Variants in APOB observed in about 807,000 individuals in gnomAD.
The protein encoded by APOB is apolipoprotein B-100.
APOB carries 153 observed loss-of-function variants against 314.1 expected under a neutral mutation model. The observed-to-expected ratio is 0.49, with a 90% CI of 0.43 to 0.56. The LOEUF is 0.56. Among genes scored for constraint, APOB ranks in the 20% least tolerant of loss-of-function variants. The probability of loss-of-function intolerance (pLI) is 0.00; values close to 1 mark genes in which losing one functional copy is unlikely to be tolerated. For missense variants in APOB, 5,430 were observed against 5,350.7 expected, an observed-to-expected ratio of 1.01 and a Z score of -0.46; for synonymous variants, 2,087 against 2,036.4, an observed-to-expected ratio of 1.02 and a Z score of -0.67.
rs13306188 is a variant in APOB, at chr2:21,011,546, G to A, written c.5322C>T (p.Tyr1774=). The change falls in exon 26 of 29, where the codon TAC becomes TAT. Residue 1774 remains tyrosine (Y), a synonymous_variant. Transcript: ENST00000233242. ...TTTGCTTATAAAACTTGTCAGAGCT[G>A]TAAATGTTGTCAAGTTTTGAAGAGA... ...LDFSSKLDNI[Y]SSDKFYKQTV... is the part of the protein sequence containing the mutation. 3.6e-4 allele frequency: 580 copies of A among 1,614,162 alleles called. 6 individuals are homozygous for A. In the East Asian group the frequency reaches 0.013, roughly 36 times the overall value.
At chr2:21,032,918 C>T (rs913334528) in intron 9 of APOB, among the ~76,000 whole-genome samples, 1 of 152,144 alleles carries the variant, frequency 6.6e-6, no homozygotes, top group Non-Finnish European at 1.5e-5. Flanking sequence ...CTTCATAGCA[C>T]TTAAAGCCAG....
Position 21,011,145 on chromosome 2 carries a change from T to G in APOB, c.5723A>C (p.Asp1908Ala). The G allele has an allele frequency of 6.2e-7, 1 of 1,614,180 alleles. No homozygotes were observed. The highest frequency in any genetic ancestry group is 8.5e-7 in the Non-Finnish European group (1 of 1,180,022). The change falls in exon 26 of 29, where the codon GAT becomes GCT. Residue 1908 changes from aspartate (D) to alanine (A), a missense_variant. Asp to Ala is a moderately radical substitution (Grantham distance 126, BLOSUM62 -2). Coordinates refer to ENST00000233242, the MANE Select transcript of APOB (RefSeq NM_000384.3). ...TTTCCCATTGCCATTTGTATGTGCA[T>G]CGATGGTCATGGTAAACGGGGCCAT... ...SVMAPFTMTI[D>A]AHTNGNGKLA...
Position 21,022,909 on chromosome 2 carries a change from G to A in APOB, c.2738C>T (p.Ala913Val). 2 of 1,614,134 alleles carry A rather than the reference G, an allele frequency of 1.2e-6. No individual in the cohort carries two copies. The highest frequency in any genetic ancestry group is 1.7e-6 in the Non-Finnish European group (2 of 1,180,034). Reference sequence around the variant, plus strand: ...CTTCCCAGCTTTTAGGGCAACATGAGCCTCCAGACCCGACTCGTGGAAGAA... The same window carrying A: ...CTTCCCAGCTTTTAGGGCAACATGAACCTCCAGACCCGACTCGTGGAAGAA... The part of the protein sequence containing the change: ...TNFFHESGLE[A>V]HVALKAGKLK... Residue 913 changes from alanine to valine, a missense_variant, in exon 18 of 29, where the codon GCT (alanine) becomes GTT (valine). Physicochemically the swap from Ala to Val is moderately conservative, Grantham distance 64. This residue lies in a region of APOB where 2,085 missense variants were observed against 2,079.7 expected (regional missense o/e 1.00). Coordinates refer to ENST00000233242, the MANE Select transcript of APOB (RefSeq NM_000384.3).
At chr2:21,019,977 T>G (rs1290818195) in intron 18 of APOB, 72 bp from the exon 19 acceptor site, 1 of 1,416,666 alleles carries the variant, frequency 7.1e-7, no homozygotes, top group East Asian at 2.3e-5. Context: ...ATTCTCAGGG[T>G]GCAAATACCC....
At position 21,004,345 on chromosome 2, in the gene APOB, G is replaced by A; in HGVS notation, c.12011C>T (p.Pro4004Leu). The A allele has an allele frequency of 1.2e-6, 2 of 1,613,944 alleles. No homozygotes were observed. The highest frequency in any genetic ancestry group is 1.7e-6 in the Non-Finnish European group (2 of 1,179,912). The change falls in exon 28 of 29, where the codon CCA (proline) becomes CTA (leucine). Residue 4004 changes from proline to leucine, a missense_variant. By Grantham distance (98) the Pro-to-Leu change is moderately conservative. Around this residue, in one of 3 missense-constraint regions of APOB, gnomAD observed 3,281 missense variants for 3,171.0 expected, o/e 1.03. Transcript: ENST00000233242. The part of the protein sequence containing the change: ...KKGISTSAAS[P>L]AVGTVGMDMD... ...ATCCATGCCCACGGTGCCTACGGCTGGGGAGGCTGCTGAGGTGGAGATGCC... is the reference window on the plus strand; with the variant it reads ...ATCCATGCCCACGGTGCCTACGGCTAGGGAGGCTGCTGAGGTGGAGATGCC...
At position 21,005,393 on chromosome 2, in the gene APOB, G is replaced by A. The variant is rs1422000121; in HGVS notation, c.11475C>T (p.Phe3825=). 6.2e-7 allele frequency: 1 copy of A among 1,614,044 alleles called. No individual in the cohort carries two copies. Among genetic ancestry groups the A allele is most frequent in the Non-Finnish European group, 8.5e-7 (1 of 1,179,960 alleles). The change falls in exon 26 of 29, where the codon TTC becomes TTT. Residue 3825 remains phenylalanine, a synonymous_variant. Transcript: ENST00000233242. ...CATCTGAAACACTTTTTGGAAGCGT[G>A]AACTGGGACACAGTTAACTGAGATT... ...VPESQLTVSQ[F]TLPKSVSDGI...
Position 21,032,568 on chromosome 2 carries a change from G to T in APOB, c.1138C>A (p.Gln380Lys). Residue 380 changes from glutamine to lysine, a missense_variant, in exon 10 of 29, where the codon CAA becomes AAA. By Grantham distance (53) the Gln-to-Lys change is moderately conservative. Transcript: ENST00000233242. Reference sequence around the variant, plus strand: ...GGCTGTCCACACTGAACCAAGGCTTGTAAAGTGATGGGGCTGAGAAGAAAG... The same window carrying T: ...GGCTGTCCACACTGAACCAAGGCTTTTAAAGTGATGGGGCTGAGAAGAAAG... ...LIEVSSPITL[Q>K]ALVQCGQPQC... 6.2e-7 allele frequency: 1 copy of T among 1,613,960 alleles called. No individual in the cohort carries two copies. The highest frequency in any genetic ancestry group is 8.5e-7 in the Non-Finnish European group (1 of 1,179,842).
intron 15 of APOB, 137 bp from the exon 16 acceptor site, chr2:21,025,261 G>C (rs1476671041): frequency 1.2e-6 from 1 of 806,374 alleles, no homozygotes; most frequent in Admixed American, 1.9e-5. Flanking sequence ...AGACACTGAA[G>C]TCCAGGCTAA....
At chr2:21,003,418 A>G in intron 28 of APOB, 84 bp from the exon 29 acceptor site, 1 of 1,195,804 alleles carries the variant, frequency 8.4e-7, no homozygotes, top group Non-Finnish European at 1.2e-6. Context: ...ATTAGCAGTT[A>G]AAAATAAAGA....
chr2:21,032,501 T>C lies in APOB; in HGVS notation c.1205A>G (p.His402Arg), dbSNP rs965602697. 6.8e-6 allele frequency: 11 copies of C among 1,614,172 alleles called. No homozygotes were observed. The highest frequency in any genetic ancestry group is 1.6e-4 in the Middle Eastern group (1 of 6,062). ...CACATCTATCAGAAGGGGGTTGGCATGCACACGTTTCAGCCACTGGAGGAT... is the reference window on the plus strand; with the variant it reads ...CACATCTATCAGAAGGGGGTTGGCACGCACACGTTTCAGCCACTGGAGGAT... ...THILQWLKRV[H>R]ANPLLIDVVT... The change falls in exon 10 of 29, where the codon CAT (histidine) becomes CGT (arginine). Residue 402 changes from histidine to arginine, a missense_variant. This residue lies in a region of APOB where 2,085 missense variants were observed against 2,079.7 expected (regional missense o/e 1.00). Transcript: ENST00000233242.
At position 21,019,747 on chromosome 2, in the gene APOB, TAGG is replaced by T. The variant is rs536747555; in HGVS notation, c.2972_2974del (p.Ser991del). 1 of 1,614,078 alleles carries T rather than the reference TAGG, an allele frequency of 6.2e-7. No homozygotes were observed. The highest frequency in any genetic ancestry group is 8.5e-7 in the Non-Finnish European group (1 of 1,179,994). On this transcript the variant is annotated inframe_deletion, in exon 19 of 29. Coordinates refer to ENST00000233242, the MANE Select transcript of APOB (RefSeq NM_000384.3). ...CCTGGTGTCCCCGGTCAGCGGATAG[TAGG>T]AGGCGGAGTCTGTGGAGCTGGCGTT...
At position 21,002,150 on chromosome 2, in the gene APOB, T is replaced by C. The variant is rs1175993858; in HGVS notation, c.13272A>G (p.Glu4424=). The C allele has an allele frequency of 6.2e-7, 1 of 1,613,960 alleles. No homozygotes were observed. The highest frequency in any genetic ancestry group is 1.1e-5 in the South Asian group (1 of 91,068). The part of the protein sequence containing the change: ...LLVALKDFHS[E]YIVSASNFTS... ...TAAAGTTAGAGGCACTGACAATATATTCAGAATGGAAGTCCTTAAGAGCAA... is the reference window on the plus strand; with the variant it reads ...TAAAGTTAGAGGCACTGACAATATACTCAGAATGGAAGTCCTTAAGAGCAA... The change falls in exon 29 of 29, where the codon GAA becomes GAG. Residue 4424 remains glutamate, a synonymous_variant. Transcript: ENST00000233242.
intron 20 of APOB, 150 bp from the exon 21 acceptor site, chr2:21,016,799 A>C: frequency 4.5e-6 from 3 of 672,678 alleles, no homozygotes; most frequent in Non-Finnish European, 8.2e-6. Flanking sequence ...TCTGGCTAAC[A>C]TGGTGAAACC....
In APOB at chr2:21,030,340, A is replaced by T. The variant is rs574030095; in HGVS notation, c.1353-325T>A. On this transcript the variant is annotated intron_variant, in intron 10 of 28. Transcript: ENST00000233242. Reference sequence around the variant, plus strand: ...GATCTTTGACAAAATTGACAAAAACATACACTAGGGAAAGGACACCCTTTT... The same window carrying T: ...GATCTTTGACAAAATTGACAAAAACTTACACTAGGGAAAGGACACCCTTTT... Among the ~76,000 whole-genome samples the T allele has an allele frequency of 3.9e-5, 6 of 152,348 alleles. No individual in the cohort carries two copies. The South Asian group carries it at 1.2e-3, about 32-fold the overall frequency.
intron 15 of APOB, 50 bp from the exon 16 acceptor site, chr2:21,025,174 A>G: frequency 6.4e-7 from 1 of 1,574,046 alleles, no homozygotes; most frequent in South Asian, 1.1e-5. Context: ...AATGTCAAAC[A>G]CCTTTCAGTT....
chr2:21,017,507 C>T (rs1427275994), intron 20 of APOB, among the ~76,000 whole-genome samples: 2 of 152,092 alleles, frequency 1.3e-5, no homozygotes, highest in African/African-American at 2.4e-5. Flanking sequence ...GTTGGAGCCA[C>T]GCTGAGTTCT....
At position 21,013,337 on chromosome 2, in the gene APOB, G is replaced by C. The variant is rs755876956; in HGVS notation, c.4039C>G (p.Gln1347Glu). 6.2e-7 allele frequency: 1 copy of C among 1,614,198 alleles called. No individual in the cohort carries two copies. The highest frequency in any genetic ancestry group is 2.2e-5 in the East Asian group (1 of 44,880). The stretch of plus-strand genomic sequence containing the variant: ...ACACCCAGGAGAGGCACTTGCAGTT[G>C]ATACAACTTGGGAATGGTAAAAGTA... Reference protein sequence around the residue: ...VPTFTIPKLYQLQVPLLGVLD... With the variant: ...VPTFTIPKLYELQVPLLGVLD... Residue 1347 changes from glutamine to glutamate, a missense_variant, in exon 25 of 29, where the codon CAA becomes GAA. Gln to Glu is a conservative substitution (Grantham distance 29). This residue lies in a region of APOB where 2,085 missense variants were observed against 2,079.7 expected (regional missense o/e 1.00). Transcript: ENST00000233242.
At position 21,028,014 on chromosome 2, in the gene APOB, G is replaced by C; in HGVS notation, c.1881C>G (p.Val627=). The C allele has an allele frequency of 2.5e-6, 4 of 1,613,986 alleles. No individual in the cohort carries two copies. Among genetic ancestry groups the C allele is most frequent in the Non-Finnish European group, 3.4e-6 (4 of 1,179,834 alleles). The part of the protein sequence containing the change: ...EALKESQLPT[V]MDFRKFSRNY... ...TCCGAGAGAATTTTCTGAAGTCCAT[G>C]ACAGTTGGAAGTTGAGATTCTTTCA... The change falls in exon 14 of 29, where the codon GTC becomes GTG. Residue 627 remains valine, a synonymous_variant. Transcript: ENST00000233242.
At position 21,010,851 on chromosome 2, in the gene APOB, C is replaced by T. The variant is rs1189637755; in HGVS notation, c.6017G>A (p.Gly2006Asp). ...CAGAGTTCGTCCAGTAAGCTCCACG[C>T]CAATTTTATCTTTAGTGTTGTAAGC... Reference protein sequence around the residue: ...LDAYNTKDKIGVELTGRTLAD... With the variant: ...LDAYNTKDKIDVELTGRTLAD... Residue 2006 changes from glycine (G) to aspartate (D), a missense_variant, in exon 26 of 29, where the codon GGC becomes GAC. By Grantham distance (94) the Gly-to-Asp change is moderately conservative. Around this residue, in one of 3 missense-constraint regions of APOB, gnomAD observed 3,281 missense variants for 3,171.0 expected, o/e 1.03. Transcript: ENST00000233242. 2 of 1,613,974 alleles carry T rather than the reference C, an allele frequency of 1.2e-6. No homozygotes were observed. The highest frequency in any genetic ancestry group is 2.2e-5 in the South Asian group (2 of 91,080).
Sources: gnomAD v4.1 joint callset for allele counts (sites outside exome capture counted in the v4.1 genomes callset) on GRCh38, gnomAD v4.1.1 for gene constraint, gnomAD v4.1.1 regional missense constraint, MANE v1.5 for transcripts, NCBI Gene and HGNC (gene_info 2026-07-23, HGNC 2026-07-21) for gene names.